Variants in PBX1 observed in about 807,000 individuals in gnomAD.
PBX1 encodes the protein pre-B-cell leukemia transcription factor 1.
PBX1 carries 6 observed loss-of-function variants against 53.4 expected under a neutral mutation model. That is an observed-to-expected ratio of 0.11 (90% CI 0.06 to 0.22). PBX1 has a LOEUF of 0.22. Among genes scored for constraint, PBX1 ranks in the 10% least tolerant of loss-of-function variants. The pLI is 1.00. For synonymous variants in PBX1, 204 were observed against 212.3 expected (o/e 0.96, Z 0.34); for missense variants, 251 against 551.4 (o/e 0.46, Z 5.46).
At chr1:164,779,887 C>T (rs1008823643) in intron 2 of PBX1, among the ~76,000 whole-genome samples, 4 of 152,130 alleles carry the variant, frequency 2.6e-5, no homozygotes, top group Non-Finnish European at 4.4e-5. Flanking sequence ...ACACAGTGAG[C>T]AGGAAAGCCA....
intron 2 of PBX1, among the ~76,000 whole-genome samples, chr1:164,867,878 G>A (rs941801293): frequency 6.6e-6 from 1 of 152,184 alleles, no homozygotes; most frequent in African/African-American, 2.4e-5. Context: ...GGCTCTCACA[G>A]GAGACCCAAG....
chr1:164,699,153 C>T (rs760597947), intron 2 of PBX1, among the ~76,000 whole-genome samples: 3 of 152,162 alleles, frequency 2.0e-5, no homozygotes, highest in Admixed American at 6.5e-5. Context: ...TGATAAATGA[C>T]GTGGGTCACA....
intron 2 of PBX1, among the ~76,000 whole-genome samples, chr1:164,575,870 G>A (rs1375242878): frequency 6.6e-6 from 1 of 152,108 alleles, no homozygotes; most frequent in Admixed American, 6.5e-5. Flanking sequence ...GAAATGTCTG[G>A]GTGGGTGCGG....
chr1:164,703,528 G>A (rs564146147), intron 2 of PBX1, among the ~76,000 whole-genome samples: 2 of 152,142 alleles, frequency 1.3e-5, no homozygotes, highest in African/African-American at 2.4e-5. Context: ...AAACACATAT[G>A]TACAAAATGG....
At position 164,846,787 on chromosome 1, in the gene PBX1, G is replaced by A. The variant is rs753807663; in HGVS notation, c.*111G>A. The A allele has an allele frequency of 3.2e-6, 5 of 1,585,192 alleles. No homozygotes were observed. Among genetic ancestry groups the A allele is most frequent in the Non-Finnish European group, 4.3e-6 (5 of 1,166,130 alleles). ...GTCAGACTGGAGGTCGAAGCAATCA[G>A]CAAACACAATAAGAGTCTCCTTCTC... On this transcript the variant is annotated 3_prime_UTR_variant, in exon 9 of 9. Coordinates refer to ENST00000420696, the MANE Select transcript of PBX1 (RefSeq NM_002585.4).
intron 2 of PBX1, among the ~76,000 whole-genome samples, chr1:164,575,199 C>G (rs537493307): frequency 6.6e-6 from 1 of 152,132 alleles, no homozygotes; most frequent in Non-Finnish European, 1.5e-5. Context: ...TATGGTAGAG[C>G]CCAGGAATTT....
At chr1:164,630,559 A>G (rs1037416681) in intron 2 of PBX1, among the ~76,000 whole-genome samples, 17 of 152,148 alleles carry the variant, frequency 1.1e-4, no homozygotes, top group Non-Finnish European at 1.5e-4. Context: ...GCTAACATGC[A>G]CTAGGTTCCT....
chr1:164,611,307 G>T (rs570459311), intron 2 of PBX1, among the ~76,000 whole-genome samples: 4 of 152,108 alleles, frequency 2.6e-5, no homozygotes, highest in Admixed American at 2.6e-4. Flanking sequence ...GCGCAATCTC[G>T]GCTCACTGCA....
intron 2 of PBX1, among the ~76,000 whole-genome samples, chr1:164,688,075 G>C (rs187951937): frequency 1.3e-5 from 2 of 152,080 alleles, no homozygotes; most frequent in African/African-American, 2.4e-5. Context: ...ACCTTTGCCC[G>C]GGGGACACCT....
chr1:164,691,409 G>A (rs1026050781), intron 2 of PBX1, among the ~76,000 whole-genome samples: 3 of 152,174 alleles, frequency 2.0e-5, no homozygotes, highest in Non-Finnish European at 4.4e-5. Flanking sequence ...CTAGAGTACT[G>A]TGGGCATATG....
intron 2 of PBX1, among the ~76,000 whole-genome samples, chr1:164,735,549 A>G (rs1205164766): frequency 2.0e-5 from 3 of 152,316 alleles, no homozygotes; most frequent in African/African-American, 7.2e-5. Flanking sequence ...GCTGCCTGCT[A>G]TTGTTTTCCA....
chr1:164,595,843 C>CA (rs1655717074), intron 2 of PBX1, among the ~76,000 whole-genome samples: 1 of 152,142 alleles, frequency 6.6e-6, no homozygotes, highest in Non-Finnish European at 1.5e-5. Flanking sequence ...AAGAGACACC[C>CA]AGCCTGGGCT....
intron 2 of PBX1, among the ~76,000 whole-genome samples, chr1:164,877,472 G>T (rs1468809179): frequency 6.6e-6 from 1 of 152,124 alleles, no homozygotes; most frequent in Non-Finnish European, 1.5e-5. Context: ...AGACTTGCCT[G>T]GCCAACATGG....
chr1:164,562,519 C>A (rs371382315), intron 1 of PBX1, among the ~76,000 whole-genome samples: 1 of 149,012 alleles, frequency 6.7e-6, no homozygotes, highest in African/African-American at 2.5e-5. Context: ...ATCTAAAAGA[C>A]AAAATTGCAT....
chr1:164,789,087 G>A (rs1420761444), intron 2 of PBX1, among the ~76,000 whole-genome samples: 1 of 152,202 alleles, frequency 6.6e-6, no homozygotes, highest in East Asian at 1.9e-4. Flanking sequence ...GAGGCAGTAT[G>A]CTTTATGCTT....
At chr1:164,579,662 T>C (rs972055252) in intron 2 of PBX1, among the ~76,000 whole-genome samples, 1 of 152,198 alleles carries the variant, frequency 6.6e-6, no homozygotes, top group African/African-American at 2.4e-5. Context: ...ATATAGATGG[T>C]TAAGCTGTTA....
At chr1:164,748,629 TCA>T (rs1666028401) in intron 2 of PBX1, among the ~76,000 whole-genome samples, 1 of 152,198 alleles carries the variant, frequency 6.6e-6, no homozygotes, top group South Asian at 2.1e-4. Flanking sequence ...GTTTCAAATC[TCA>T]CAGCAGAAAT....
intron 2 of PBX1, among the ~76,000 whole-genome samples, chr1:164,695,701 G>A (rs1450060187): frequency 6.6e-6 from 1 of 152,144 alleles, no homozygotes; most frequent in East Asian, 1.9e-4. Flanking sequence ...TTAGTACATG[G>A]CTGAACATAT....
chr1:164,623,305 A>G (rs149580193), intron 2 of PBX1, among the ~76,000 whole-genome samples: 9 of 152,328 alleles, frequency 5.9e-5, no homozygotes, highest in Non-Finnish European at 1.2e-4. Flanking sequence ...CGTCACCCCC[A>G]GGTAATTGCC....
Sources: gnomAD v4.1 joint callset for allele counts (sites outside exome capture counted in the v4.1 genomes callset) on GRCh38, gnomAD v4.1.1 for gene constraint, MANE v1.5 for transcripts, NCBI Gene and HGNC (gene_info 2026-07-23, HGNC 2026-07-21) for gene names.